PRKCQ: variants seen among roughly 807,000 people sequenced by gnomAD.
PRKCQ encodes protein kinase C theta.
A neutral mutation model predicts 91.2 loss-of-function variants in PRKCQ; 41 were observed. The observed-to-expected ratio is 0.45, with a 90% CI of 0.35 to 0.58. The LOEUF (loss-of-function observed/expected upper bound fraction) is 0.58. PRKCQ is among the 20% of genes least tolerant of loss of function. PRKCQ has a pLI of 0.00. For missense variants in PRKCQ, 673 were observed against 896.5 expected (o/e 0.75, Z 3.18); for synonymous variants, 307 against 316.9 (o/e 0.97, Z 0.33).
the PRKCQ span, among the ~76,000 whole-genome samples, chr10:6,417,517 G>GT: frequency 6.6e-6 from 1 of 152,204 alleles, no homozygotes; most frequent in South Asian, 2.1e-4. Context: ...TCGAATTGAC[G>GT]TAACTGTTCT....
At chr10:6,394,553 G>A in the PRKCQ span, among the ~76,000 whole-genome samples, 3 of 152,318 alleles carry the variant, frequency 2.0e-5, no homozygotes, top group African/African-American at 7.2e-5. Flanking sequence ...GACCTTCAGC[G>A]GCATTTCGGA....
chr10:6,436,824 C>T (rs914843264), intron 16 of PRKCQ, among the ~76,000 whole-genome samples: 6 of 152,216 alleles, frequency 3.9e-5, no homozygotes, highest in African/African-American at 1.4e-4. Flanking sequence ...TCTTCCCATC[C>T]AATCTTTCTC....
At chr10:6,396,748 T>C in the PRKCQ span, among the ~76,000 whole-genome samples, 1 of 152,268 alleles carries the variant, frequency 6.6e-6, no homozygotes, top group Non-Finnish European at 1.5e-5. Flanking sequence ...CAGCGAAGCT[T>C]GGTGCACATG....
rs1489892926 is a variant in PRKCQ, at chr10:6,464,318, T to C, written c.1440A>G (p.Arg480=). ...IQSCHKFDLS[R]ATFYAAEIIL... Reference sequence around the variant, plus strand: ...AACCCTTTAAAGCCTCTTACGTCGCTCTGGAAAGGTCGAACTTGTGGCAGC... The same window carrying C: ...AACCCTTTAAAGCCTCTTACGTCGCCCTGGAAAGGTCGAACTTGTGGCAGC... The change falls in exon 13 of 18, where the codon AGA becomes AGG. Residue 480 remains arginine, a synonymous_variant. Coordinates refer to ENST00000263125, the MANE Select transcript of PRKCQ (RefSeq NM_006257.5). 1.2e-6 allele frequency: 2 copies of C among 1,613,330 alleles called. No homozygotes were observed. The highest frequency in any genetic ancestry group is 1.7e-6 in the Non-Finnish European group (2 of 1,179,618).
rs1325960983 is a variant in PRKCQ at position 6,493,529 on chromosome 10, A to G, written c.661-1717T>C. On this transcript the variant is annotated intron_variant, in intron 7 of 17. Coordinates refer to ENST00000263125, the MANE Select transcript of PRKCQ (RefSeq NM_006257.5). Reference sequence around the variant, plus strand: ...ATGATGTCCCCTTGAGTGAACAAGAAATCAAAATATCCTGGGAGAAGATAA... The same window carrying G: ...ATGATGTCCCCTTGAGTGAACAAGAGATCAAAATATCCTGGGAGAAGATAA... Among the ~76,000 whole-genome samples the G allele has an allele frequency of 5.9e-5, 9 of 152,312 alleles. No individual in the cohort carries two copies. In the East Asian group the frequency reaches 1.4e-3, roughly 23 times the overall value.
At chr10:6,509,658 C>G (rs543791572) in intron 3 of PRKCQ, among the ~76,000 whole-genome samples, 19 of 152,316 alleles carry the variant, frequency 1.2e-4, no homozygotes, top group Admixed American at 5.2e-4. Context: ...AACTGCTCAC[C>G]TTGGCCTCCC....
intron 15 of PRKCQ, among the ~76,000 whole-genome samples, chr10:6,444,849 ACAC>A (rs1834170759): frequency 6.6e-6 from 1 of 152,036 alleles, no homozygotes; most frequent in African/African-American, 2.4e-5. Context: ...AAAGAAAATG[ACAC>A]CACAATTCCA....
Position 6,430,747 on chromosome 10 carries a change from G to C in PRKCQ, c.1965+63C>G. 6.3e-7 allele frequency: 1 copy of C among 1,578,244 alleles called. No homozygotes were observed. The highest frequency in any genetic ancestry group is 8.6e-7 in the Non-Finnish European group (1 of 1,160,426). Reference sequence around the variant, plus strand: ...GTGAGCAGCTGCGGTGACTTGGACAGGCAGACGGCCCTGAGCGGAGGGAGA... The same window carrying C: ...GTGAGCAGCTGCGGTGACTTGGACACGCAGACGGCCCTGAGCGGAGGGAGA... On this transcript the variant is annotated intron_variant, in intron 17 of 17. Coordinates refer to ENST00000263125, the MANE Select transcript of PRKCQ (RefSeq NM_006257.5). The surrounding 1 kb of genome is among the most constrained non-coding windows in gnomAD (Gnocchi z 4.7).
the PRKCQ span, among the ~76,000 whole-genome samples, chr10:6,403,193 C>T: frequency 2.6e-5 from 4 of 152,218 alleles, no homozygotes; most frequent in African/African-American, 9.7e-5. Context: ...TGCTAAAACA[C>T]CTAGTTTCCG....
In PRKCQ at chr10:6,442,079, G is replaced by C; in HGVS notation, c.1650C>G (p.Ile550Met). 6.2e-7 allele frequency: 1 copy of C among 1,609,776 alleles called. No individual in the cohort carries two copies. The highest frequency in any genetic ancestry group is 8.5e-7 in the Non-Finnish European group (1 of 1,176,408). The change falls in exon 16 of 18, where the codon ATC (isoleucine) becomes ATG (methionine). Residue 550 changes from isoleucine (I) to methionine (M), a missense_variant and splice_region_variant. Coordinates refer to ENST00000263125, the MANE Select transcript of PRKCQ (RefSeq NM_006257.5). Reference sequence around the variant, plus strand: ...AGTGGTTGTATTTCTGACCCAGCAAGATCTGCACAACCAAAAGGCAGACAG... The same window carrying C: ...AGTGGTTGTATTTCTGACCCAGCAACATCTGCACAACCAAAAGGCAGACAG... ...CGTPDYIAPEILLGQKYNHSV... is the reference protein window; with the variant it reads ...CGTPDYIAPEMLLGQKYNHSV...
intron 1 of PRKCQ, among the ~76,000 whole-genome samples, chr10:6,531,974 C>T (rs752038721): frequency 3.3e-5 from 5 of 152,114 alleles, no homozygotes; most frequent in Non-Finnish European, 5.9e-5. Context: ...GTTCTCCCAG[C>T]GCCTCCCTCG....
chr10:6,404,926 T>TC, the PRKCQ span, among the ~76,000 whole-genome samples: 1 of 129,022 alleles, frequency 7.8e-6, no homozygotes, highest in Non-Finnish European at 1.7e-5. Context: ...CCTTCCTTCC[T>TC]CCCTTCCCTT....
At chr10:6,472,227 GA>G (rs1302959118) in intron 12 of PRKCQ, among the ~76,000 whole-genome samples, 1 of 152,022 alleles carries the variant, frequency 6.6e-6, no homozygotes. Flanking sequence ...AGAATGGCGT[GA>G]ACCCGGGAGG....
chr10:6,539,040 A>G (rs1191307082), intron 1 of PRKCQ, among the ~76,000 whole-genome samples: 1 of 152,200 alleles, frequency 6.6e-6, no homozygotes. Flanking sequence ...CTGGGATTAC[A>G]GGCGTGATGA....
At chr10:6,541,251 G>A (rs1054683036) in intron 1 of PRKCQ, among the ~76,000 whole-genome samples, 8 of 152,182 alleles carry the variant, frequency 5.3e-5, no homozygotes, top group Non-Finnish European at 1.0e-4. Context: ...TTGACTCTGC[G>A]TAAAGGCTTT....
intron 13 of PRKCQ, among the ~76,000 whole-genome samples, chr10:6,462,733 G>A (rs1054554216): frequency 6.6e-6 from 1 of 152,120 alleles, no homozygotes; most frequent in Non-Finnish European, 1.5e-5. Flanking sequence ...GGCCAGGTAC[G>A]GTGGCTCACG....
At chr10:6,454,868 C>G (rs929486013) in intron 15 of PRKCQ, among the ~76,000 whole-genome samples, 2 of 151,862 alleles carry the variant, frequency 1.3e-5, no homozygotes, top group African/African-American at 2.4e-5. Flanking sequence ...GACAAGCACA[C>G]GTAAAAGAAA....
At chr10:6,401,309 G>A in the PRKCQ span, among the ~76,000 whole-genome samples, 1 of 152,184 alleles carries the variant, frequency 6.6e-6, no homozygotes, top group African/African-American at 2.4e-5. Context: ...TCCCTTTGGG[G>A]TCTGTGTTTT....
chr10:6,490,892 GT>G (rs71391842), intron 8 of PRKCQ, among the ~76,000 whole-genome samples: 2,093 of 148,980 alleles, frequency 0.014, 45 homozygotes, highest in African/African-American at 0.049. Context: ...GTTCTTGAGG[GT>G]TTTTTTTTTT....
Sources: gnomAD v4.1 joint callset for allele counts (sites outside exome capture counted in the v4.1 genomes callset) on GRCh38, gnomAD v4.1.1 for gene constraint, Gnocchi (gnomAD v3.1) non-coding constraint, MANE v1.5 for transcripts, NCBI Gene and HGNC (gene_info 2026-07-23, HGNC 2026-07-21) for gene names.